Variants in POLR1B observed in about 807,000 individuals in gnomAD.
POLR1B encodes DNA-directed RNA polymerase I subunit RPA2.
POLR1B carries 30 observed loss-of-function variants against 105.8 expected under a neutral mutation model. The observed-to-expected ratio is 0.28, with a 90% CI of 0.21 to 0.38. The LOEUF (loss-of-function observed/expected upper bound fraction) is 0.38, where lower values mean the gene tolerates loss of function less well. Among genes scored for constraint, POLR1B ranks in the 10% least tolerant of loss-of-function variants. The pLI is 1.00. For synonymous variants in POLR1B, 485 were observed against 505.1 expected (o/e 0.96, Z 0.53); for missense variants, 976 against 1,435.8 (o/e 0.68, Z 5.17).
In POLR1B at chr2:112,576,112, A is replaced by G. The variant is rs1454211094; in HGVS notation, c.*383A>G. On this transcript the variant is annotated 3_prime_UTR_variant, in exon 15 of 15. Coordinates refer to ENST00000263331, the MANE Select transcript of POLR1B (RefSeq NM_019014.6). ...CTATACAAATAGAATGCAAGCTGTA[A>G]TGTAATTTTATATTTTCTTATAGCC... 5.9e-6 allele frequency: 1 copy of G among 168,112 alleles called. No individual in the cohort carries two copies. Among genetic ancestry groups the G allele is most frequent in the Non-Finnish European group, 1.3e-5 (1 of 77,982 alleles). The allele number at this position is 168,112 out of a possible 1,614,324, so 10.4% of individuals were successfully genotyped here. A position where few individuals can be genotyped will look rare whatever the true frequency, so the allele number is the denominator to read the frequency against.
rs568615545 is a variant in POLR1B at position 112,575,283 on chromosome 2, C to T, written c.2962C>T (p.Leu988=). ...RLYSGISGLE[L]EADIFIGVVY... ...ATATAGTGGCATCAGTGGGCTAGAACTGGAAGCAGACATCTTCATAGGAGT... is the reference window on the plus strand; with the variant it reads ...ATATAGTGGCATCAGTGGGCTAGAATTGGAAGCAGACATCTTCATAGGAGT... The change falls in exon 15 of 15, where the codon CTG becomes TTG. Residue 988 remains leucine, a synonymous_variant. Transcript: ENST00000263331. The surrounding 1 kb of genome is among the most constrained non-coding windows in gnomAD (Gnocchi z 5.3). The T allele has an allele frequency of 1.4e-5, 22 of 1,613,932 alleles. No homozygotes were observed. The highest frequency in any genetic ancestry group is 2.7e-5 in the African/African-American group (2 of 74,866).
rs1282978507 is a variant in POLR1B, at chr2:112,578,674, A to G, written c.*2945A>G. 6.6e-6 allele frequency among the ~76,000 whole-genome samples: 1 copy of G among 152,208 alleles called. No homozygotes were observed. The highest frequency in any genetic ancestry group is 1.5e-5 in the Non-Finnish European group (1 of 68,040). ...TAGTCCCCCTTTATCTTTGAAGATT[A>G]TATCCCAAGACTCCCAGTGAGTGTC... On this transcript the variant is annotated 3_prime_UTR_variant, in exon 15 of 15. Coordinates refer to ENST00000263331, the MANE Select transcript of POLR1B (RefSeq NM_019014.6).
At chr2:112,542,270 G>T, upstream of POLR1B, 1 of 1,533,780 alleles carries the variant, frequency 6.5e-7, no homozygotes, top group Non-Finnish European at 8.7e-7. Flanking sequence ...GGCCCGCCAC[G>T]CTCTGGCTGG....
chr2:112,553,101 T>C (rs747466901), intron 7 of POLR1B, among the ~76,000 whole-genome samples: 1 of 152,380 alleles, frequency 6.6e-6, no homozygotes, highest in South Asian at 2.1e-4. Flanking sequence ...TGATCCTCAT[T>C]ATTTGTAGAT....
At chr2:112,564,783 TA>T (rs1684191806) in intron 10 of POLR1B, among the ~76,000 whole-genome samples, 1 of 152,228 alleles carries the variant, frequency 6.6e-6, no homozygotes, top group Non-Finnish European at 1.5e-5. Flanking sequence ...TCCCCCTTCT[TA>T]ATACTAGTGG....
intron 1 of POLR1B, among the ~76,000 whole-genome samples, chr2:112,544,031 A>G (rs59427185): frequency 0.032 from 4,870 of 151,692 alleles, 214 homozygotes; most frequent in African/African-American, 0.096. Context: ...TGAGGCTGCA[A>G]TGAGCTATGA....
At chr2:112,559,699 T>C (rs1395975179) in intron 9 of POLR1B, 125 bp downstream of exon 9, 35 of 1,122,716 alleles carry the variant, frequency 3.1e-5, no homozygotes, top group Non-Finnish European at 4.4e-5. Flanking sequence ...GGCGCGATCT[T>C]GGCTCACTGC....
chr2:112,556,949 G>A (rs1683694234), intron 7 of POLR1B, among the ~76,000 whole-genome samples: 1 of 151,878 alleles, frequency 6.6e-6, no homozygotes, highest in South Asian at 2.1e-4. Context: ...TCATTTTTTT[G>A]TGTTGTGAAC....
At chr2:112,568,226 G>T in intron 11 of POLR1B, 89 bp downstream of exon 11, 1 of 1,282,308 alleles carries the variant, frequency 7.8e-7, no homozygotes, top group Non-Finnish European at 1.1e-6. Context: ...TTTTAAAAGG[G>T]TTGTTAATGT....
intron 14 of POLR1B, 57 bp from the exon 15 acceptor site, chr2:112,574,790 C>T: frequency 9.6e-7 from 1 of 1,042,826 alleles, no homozygotes; most frequent in African/African-American, 1.7e-5. Flanking sequence ...ATCAATGAAA[C>T]TTATCTCCAT....
rs1449747779 is a variant in POLR1B at position 112,575,576 on chromosome 2, C to G, written c.3255C>G (p.Pro1085=). ...TCTCTCCACTGTTGGAGAAGCCACC[C>G]CCTTCTTGGTCTGCCATGCGCAACA... The part of the protein sequence containing the change: ...SLLSPLLEKP[P]PSWSAMRNRK... The change falls in exon 15 of 15, where the codon CCC becomes CCG. Residue 1085 remains proline, a synonymous_variant. Transcript: ENST00000263331. The surrounding 1 kb of genome is among the most constrained non-coding windows in gnomAD (Gnocchi z 5.3). 3 of 1,613,986 alleles carry G rather than the reference C, an allele frequency of 1.9e-6. No individual in the cohort carries two copies. In the African/African-American group the frequency reaches 4.0e-5, roughly 22 times the overall value.
intron 10 of POLR1B, among the ~76,000 whole-genome samples, chr2:112,564,984 GA>G (rs1684199571): frequency 1.3e-5 from 2 of 152,290 alleles, no homozygotes; most frequent in Non-Finnish European, 1.5e-5. Context: ...GCCATTGAAA[GA>G]ATTATCCTTT....
chr2:112,542,779 G>A, intron 1 of POLR1B, 108 bp downstream of exon 1: 1 of 1,388,144 alleles, frequency 7.2e-7, no homozygotes, highest in Non-Finnish European at 9.7e-7. Context: ...GATCCTGACA[G>A]GCTTGGTGGG....
At chr2:112,542,318 G>A, upstream of POLR1B, 2 of 1,531,306 alleles carry the variant, frequency 1.3e-6, no homozygotes, top group Non-Finnish European at 1.7e-6. Flanking sequence ...GACGTTTTTG[G>A]TTCTACGTTG....
At chr2:112,557,860 C>A in intron 7 of POLR1B, 50 bp from the exon 8 acceptor site, 1 of 1,053,642 alleles carries the variant, frequency 9.5e-7, no homozygotes, top group Non-Finnish European at 1.2e-6. Flanking sequence ...TGTGAGCCAC[C>A]ACACCTGGCT....
At chr2:112,542,207 G>T (rs1009671425), upstream of POLR1B, 4 of 1,535,686 alleles carry the variant, frequency 2.6e-6, no homozygotes, top group Non-Finnish European at 1.7e-6. Flanking sequence ...TTCCACCTGC[G>T]GCATCTTTCG....
chr2:112,547,686 T>C (rs1191205955), intron 3 of POLR1B, 119 bp downstream of exon 3: 2 of 1,138,416 alleles, frequency 1.8e-6, no homozygotes, highest in African/African-American at 1.6e-5. Flanking sequence ...GAAAGAGATA[T>C]CAGTATCTTG....
chr2:112,549,202 G>A, intron 3 of POLR1B, 65 bp from the exon 4 acceptor site: 2 of 1,568,518 alleles, frequency 1.3e-6, no homozygotes, highest in Non-Finnish European at 8.8e-7. Context: ...GGCTAGGAGT[G>A]AGGTTCATGT....
rs1220122035 is a variant in POLR1B at position 112,579,335 on chromosome 2, G to C, written c.*3606G>C. On this transcript the variant is annotated 3_prime_UTR_variant, in exon 15 of 15. Coordinates refer to ENST00000263331, the MANE Select transcript of POLR1B (RefSeq NM_019014.6). Reference sequence around the variant, plus strand: ...GGGACAAGTGTTCAAGACTGGGATTGCTGGGTCATATGGTAGTTGCATATT... The same window carrying C: ...GGGACAAGTGTTCAAGACTGGGATTCCTGGGTCATATGGTAGTTGCATATT... The C allele has an allele frequency of 3.3e-5, 5 of 151,394 alleles. No homozygotes were observed. Among genetic ancestry groups the C allele is most frequent in the African/African-American group, 1.2e-4 (5 of 41,160 alleles). The allele number at this position is 151,394 out of a possible 1,614,324, so 9.4% of individuals were successfully genotyped here. A position where few individuals can be genotyped will look rare whatever the true frequency, so the allele number is the denominator to read the frequency against.
Sources: gnomAD v4.1 joint callset for allele counts (sites outside exome capture counted in the v4.1 genomes callset) on GRCh38, gnomAD v4.1.1 for gene constraint, Gnocchi (gnomAD v3.1) non-coding constraint, MANE v1.5 for transcripts, NCBI Gene and HGNC (gene_info 2026-07-23, HGNC 2026-07-21) for gene names.